Variants in ANKS1B observed in about 807,000 individuals in gnomAD.
The protein encoded by ANKS1B is ankyrin repeat and sterile alpha motif domain-containing protein 1B.
In ANKS1B, 36 loss-of-function variants were observed where a neutral mutation model predicts 148.3. That is an observed-to-expected ratio of 0.24 (90% CI 0.19 to 0.32). The LOEUF is 0.32. ANKS1B is among the 10% of genes least tolerant of loss of function. The pLI, the probability that ANKS1B is intolerant of heterozygous loss-of-function variation, is 1.00. For missense variants in ANKS1B, 1,157 were observed against 1,542.6 expected, an observed-to-expected ratio of 0.75 and a Z score of 4.19; for synonymous variants, 542 against 560.8, an observed-to-expected ratio of 0.97 and a Z score of 0.47.
At position 99,029,435 on chromosome 12, in the gene ANKS1B, C is replaced by T. The variant is rs190734797; in HGVS notation, c.2778+23722G>A. On this transcript the variant is annotated intron_variant, in intron 17 of 26. Coordinates refer to ENST00000683438, the MANE Select transcript of ANKS1B (RefSeq NM_001352186.2). ...ACTGGAGAAGTTGTCTGGGCTGCTG[C>T]AGGATGGAGGTTTACCTGAGGTTAC... Among the ~76,000 whole-genome samples the T allele has an allele frequency of 1.8e-3, 277 of 152,316 alleles. 3 individuals carry two copies. Among genetic ancestry groups the T allele is most frequent in the Admixed American group, 0.015 (230 of 15,302 alleles).
At chr12:99,039,145 T>C (rs950003112) in intron 17 of ANKS1B, among the ~76,000 whole-genome samples, 4 of 152,220 alleles carry the variant, frequency 2.6e-5, no homozygotes, top group Admixed American at 2.6e-4. Flanking sequence ...GTCTTCCCAG[T>C]TGGACACTTT....
At chr12:98,906,083 A>G (rs1016742740) in intron 17 of ANKS1B, among the ~76,000 whole-genome samples, 26 of 152,168 alleles carry the variant, frequency 1.7e-4, no homozygotes, top group Admixed American at 1.2e-3. Context: ...CATTTAGTAA[A>G]TTACTACATT....
Position 99,154,382 on chromosome 12 carries a change from A to G in ANKS1B, c.2433T>C (p.Pro811=), listed in dbSNP as rs2075695589. 6.2e-7 allele frequency: 1 copy of G among 1,613,680 alleles called. No individual in the cohort carries two copies. The highest frequency in any genetic ancestry group is 1.3e-5 in the African/African-American group (1 of 74,926). ...CCAACCATTGTCCCACTGTTTGGAC[A>G]GGGCATCTGGGTCCTGTAAGAGGAT... The part of the protein sequence containing the change: ...MNGETTRPRC[P]VQTVGQWLES... Residue 811 remains proline, a synonymous_variant, in exon 15 of 27, where the codon CCT becomes CCC. Coordinates refer to ENST00000683438, the MANE Select transcript of ANKS1B (RefSeq NM_001352186.2).
chr12:99,827,544 C>T (rs1448142960), intron 1 of ANKS1B, among the ~76,000 whole-genome samples: 1 of 151,812 alleles, frequency 6.6e-6, no homozygotes, highest in Non-Finnish European at 1.5e-5. Context: ...GCTCTTGCCA[C>T]AAAAACAAAA....
chr12:99,422,945 A>AAT (rs1384586720), intron 11 of ANKS1B, among the ~76,000 whole-genome samples: 1 of 152,210 alleles, frequency 6.6e-6, no homozygotes, highest in Non-Finnish European at 1.5e-5. Flanking sequence ...CCTTCAGTTT[A>AAT]ATAGGATGGA....
At chr12:98,797,896 C>T (rs2098964385) in intron 22 of ANKS1B, among the ~76,000 whole-genome samples, 1 of 152,118 alleles carries the variant, frequency 6.6e-6, no homozygotes. Flanking sequence ...TACTAATGAC[C>T]TTAAATTTGA....
At chr12:99,658,121 T>C (rs1027483944) in intron 8 of ANKS1B, among the ~76,000 whole-genome samples, 1 of 152,168 alleles carries the variant, frequency 6.6e-6, no homozygotes, top group African/African-American at 2.4e-5. Flanking sequence ...GCTTTTATTC[T>C]TTCTTTCACC....
intron 12 of ANKS1B, among the ~76,000 whole-genome samples, chr12:99,378,652 CA>C (rs140892353): frequency 0.37 from 33,112 of 90,304 alleles, 4,319 homozygotes; most frequent in East Asian, 0.54. Context: ...GACTCCATCT[CA>C]AAAAAAAAAA....
At chr12:99,249,725 T>C (rs10860409) in intron 12 of ANKS1B, among the ~76,000 whole-genome samples, 51,512 of 152,026 alleles carry the variant, frequency 0.34, 10,829 homozygotes, top group African/African-American at 0.6. Flanking sequence ...TCTAGTCCTC[T>C]CACGCTGACT....
chr12:99,879,968 T>C (rs963021783), intron 1 of ANKS1B, among the ~76,000 whole-genome samples: 1 of 152,176 alleles, frequency 6.6e-6, no homozygotes, highest in African/African-American at 2.4e-5. Context: ...TAATATGACG[T>C]AGCAGCTAAG....
intron 11 of ANKS1B, among the ~76,000 whole-genome samples, chr12:99,441,901 G>T (rs986808780): frequency 2.0e-5 from 3 of 151,982 alleles, no homozygotes; most frequent in African/African-American, 7.2e-5. Flanking sequence ...TTCAGATCAT[G>T]GATCTATAGA....
intron 11 of ANKS1B, among the ~76,000 whole-genome samples, chr12:99,406,632 C>T (rs2094538166): frequency 6.9e-6 from 1 of 145,074 alleles, no homozygotes; most frequent in Non-Finnish European, 1.5e-5. Flanking sequence ...CAAGAGAAAA[C>T]CATACCCAAA....
At chr12:99,971,166 A>C (rs2095553438) in intron 1 of ANKS1B, among the ~76,000 whole-genome samples, 1 of 152,234 alleles carries the variant, frequency 6.6e-6, no homozygotes, top group Non-Finnish European at 1.5e-5. Context: ...CACACGTAGC[A>C]TAAAACAAAC....
intron 12 of ANKS1B, among the ~76,000 whole-genome samples, chr12:99,389,161 T>C (rs895186338): frequency 2.6e-5 from 4 of 152,140 alleles, no homozygotes; most frequent in Non-Finnish European, 5.9e-5. Context: ...GAACAATCAG[T>C]CTATCCAGTA....
chr12:99,261,906 TG>T (rs1352103354), intron 12 of ANKS1B, among the ~76,000 whole-genome samples: 1 of 152,132 alleles, frequency 6.6e-6, no homozygotes, highest in African/African-American at 2.4e-5. Context: ...CTCAGACCTG[TG>T]GATACTCTGC....
intron 1 of ANKS1B, among the ~76,000 whole-genome samples, chr12:99,975,658 AAT>A (rs1416807032): frequency 6.6e-6 from 1 of 152,084 alleles, no homozygotes; most frequent in East Asian, 1.9e-4. Flanking sequence ...CTCATTTTTT[AAT>A]AGAGTTACTT....
At chr12:99,088,838 GTTTTTTT>G (rs386377539) in intron 15 of ANKS1B, among the ~76,000 whole-genome samples, 5 of 69,848 alleles carry the variant, frequency 7.2e-5, no homozygotes, top group Admixed American at 4.8e-4. Flanking sequence ...TTTAACTTCT[GTTTTTTT>G]TTTTTTTTTT....
rs34963949 is a variant in ANKS1B, at chr12:98,804,419, AT to A, written c.3142-3295del. Among the ~76,000 whole-genome samples, 1,028 of 145,074 alleles carry A rather than the reference AT, an allele frequency of 7.1e-3. 9 individuals are homozygous for A. Among genetic ancestry groups the A allele is most frequent in the African/African-American group, 0.019 (757 of 39,670 alleles). ...TCAACTTCTCTCCCCACCCCTGCCT[AT>A]TTTTTTTTTTTTTAAACTTAGATCT... On this transcript the variant is annotated intron_variant, in intron 20 of 26. Transcript: ENST00000683438.
rs780556016 is a variant in ANKS1B, at chr12:98,944,027, C to T, written c.2778+109130G>A. 5.3e-5 allele frequency among the ~76,000 whole-genome samples: 8 copies of T among 152,114 alleles called. No individual in the cohort carries two copies. The East Asian group carries it at 5.8e-4, about 11-fold the overall frequency. On this transcript the variant is annotated intron_variant, in intron 17 of 26. Transcript: ENST00000683438. Reference sequence around the variant, plus strand: ...TGTTTAAAAGAGCCTGGGCTGGGCACGGTGGCTCATGCCTGTAATTCCAGC... The same window carrying T: ...TGTTTAAAAGAGCCTGGGCTGGGCATGGTGGCTCATGCCTGTAATTCCAGC...
Sources: allele counts gnomAD v4.1 joint callset (sites outside exome capture counted in the v4.1 genomes callset), GRCh38; gene constraint gnomAD v4.1.1; transcripts MANE v1.5; gene names NCBI Gene and HGNC (gene_info 2026-07-23, HGNC 2026-07-21).